Variants in MMD2 observed in about 807,000 individuals in gnomAD.
MMD2 encodes monocyte to macrophage differentiation factor 2.
MMD2 carries 30 observed loss-of-function variants against 33.5 expected under a neutral mutation model. The ratio of observed to expected loss-of-function variants is 0.90; its 90% CI spans 0.67 to 1.22. MMD2 has a LOEUF of 1.22. Among genes scored for constraint, MMD2 ranks in the 50% most tolerant of loss-of-function variants. The probability of loss-of-function intolerance (pLI) is 0.00; values close to 1 mark genes in which losing one functional copy is unlikely to be tolerated. For missense variants in MMD2, 364 were observed against 325.4 expected (o/e 1.12, Z -0.91); for synonymous variants, 129 against 123.0 (o/e 1.05, Z -0.32).
chr7:4,947,199 C>A (rs977996000), intron 1 of MMD2, among the ~76,000 whole-genome samples: 1 of 151,988 alleles, frequency 6.6e-6, no homozygotes, highest in East Asian at 2.0e-4. Flanking sequence ...CAGAGCAAGA[C>A]TCCGTCTCAA....
intron 1 of MMD2, among the ~76,000 whole-genome samples, chr7:4,942,686 C>G (rs1785943693): frequency 6.6e-6 from 1 of 151,902 alleles, no homozygotes; most frequent in Middle Eastern, 3.4e-3. Context: ...TATCTCGGCT[C>G]ATTGCAACCT....
At chr7:4,930,970 A>C (rs1449359200) in intron 1 of MMD2, among the ~76,000 whole-genome samples, 1 of 150,962 alleles carries the variant, frequency 6.6e-6, no homozygotes, top group Non-Finnish European at 1.5e-5. Context: ...CCTGCCTCAG[A>C]CTCCTGAGTA....
At chr7:4,915,119 A>C (rs116315992) in intron 4 of MMD2, among the ~76,000 whole-genome samples, 1 of 151,890 alleles carries the variant, frequency 6.6e-6, no homozygotes, top group Non-Finnish European at 1.5e-5. Flanking sequence ...AAAAATAAAA[A>C]TATTAGCCAA....
the MMD2 span, among the ~76,000 whole-genome samples, chr7:4,893,131 G>A: frequency 2.6e-5 from 4 of 151,640 alleles, no homozygotes; most frequent in South Asian, 2.1e-4. Flanking sequence ...GGGTCTACAC[G>A]CACTCCCCTT....
At chr7:4,903,877 GC>G (rs1784826338), downstream of MMD2, among the ~76,000 whole-genome samples, 1 of 152,168 alleles carries the variant, frequency 6.6e-6, no homozygotes, top group Non-Finnish European at 1.5e-5. Flanking sequence ...GAACCTCACG[GC>G]CCCAGGGATG....
At chr7:4,892,626 AAATT>A in the MMD2 span, among the ~76,000 whole-genome samples, 2 of 149,736 alleles carry the variant, frequency 1.3e-5, no homozygotes, top group Non-Finnish European at 3.0e-5. Context: ...AAATCTGAAA[AAATT>A]AATTAATTAA....
intron 1 of MMD2, among the ~76,000 whole-genome samples, chr7:4,952,789 T>C (rs1029061308): frequency 6.6e-6 from 1 of 151,230 alleles, no homozygotes; most frequent in African/African-American, 2.4e-5. Flanking sequence ...CCTCCTGGGT[T>C]CAAGCAATTC....
At chr7:4,916,755 T>C (rs759318192) in intron 3 of MMD2, among the ~76,000 whole-genome samples, 1 of 152,064 alleles carries the variant, frequency 6.6e-6, no homozygotes, top group African/African-American at 2.4e-5. Context: ...AGATTTATAA[T>C]GGGGAAAGAA....
downstream of MMD2, among the ~76,000 whole-genome samples, chr7:4,905,609 G>A (rs1417445045): frequency 6.6e-6 from 1 of 152,088 alleles, no homozygotes; most frequent in East Asian, 1.9e-4. The surrounding 1 kb of genome is among the most constrained non-coding windows in gnomAD (Gnocchi z 5.0). Context: ...GCCTGGCATG[G>A]TGCCACGCCT....
At chr7:4,932,511 G>A (rs1041633870) in intron 1 of MMD2, among the ~76,000 whole-genome samples, 2 of 152,022 alleles carry the variant, frequency 1.3e-5, no homozygotes, top group African/African-American at 4.8e-5. Context: ...CCATCAAGGT[G>A]AATAACAGAT....
chr7:4,937,450 G>T (rs537034286), intron 1 of MMD2, among the ~76,000 whole-genome samples: 2 of 151,388 alleles, frequency 1.3e-5, no homozygotes, highest in South Asian at 4.2e-4. Flanking sequence ...AAGGAAGAAA[G>T]GAAGGAAGGA....
At chr7:4,917,769 G>T (rs1235962629) in intron 3 of MMD2, among the ~76,000 whole-genome samples, 4 of 152,022 alleles carry the variant, frequency 2.6e-5, no homozygotes, top group Admixed American at 2.6e-4. Flanking sequence ...ACCTCACCTT[G>T]TATAGTGAGC....
intron 3 of MMD2, among the ~76,000 whole-genome samples, chr7:4,916,642 T>C (rs1785151818): frequency 6.6e-6 from 1 of 152,130 alleles, no homozygotes; most frequent in Non-Finnish European, 1.5e-5. Flanking sequence ...CTCGGTCTCC[T>C]AAAGTGCTGG....
chr7:4,953,322 A>T (rs527477410), intron 1 of MMD2, among the ~76,000 whole-genome samples: 2 of 151,166 alleles, frequency 1.3e-5, no homozygotes, highest in African/African-American at 4.9e-5. Context: ...TGGAAACACC[A>T]TCAATATCAA....
chr7:4,920,688 TCCTCCCTCCCTCCCTCCCTC>T (rs138036120), intron 2 of MMD2, among the ~76,000 whole-genome samples: 2 of 87,808 alleles, frequency 2.3e-5, no homozygotes, highest in African/African-American at 1.0e-4. Flanking sequence ...CCTCCCTCTC[TCCTCCCTCCCTCCCTCCCTC>T]CCTCCCTCCC....
At chr7:4,920,913 T>C (rs1195376305) in intron 2 of MMD2, among the ~76,000 whole-genome samples, 1 of 152,104 alleles carries the variant, frequency 6.6e-6, no homozygotes, top group Non-Finnish European at 1.5e-5. Context: ...AGGTGGGGTC[T>C]GGCTATAATG....
At chr7:4,895,638 A>G in the MMD2 span, among the ~76,000 whole-genome samples, 37 of 151,986 alleles carry the variant, frequency 2.4e-4, no homozygotes, top group Non-Finnish European at 4.6e-4. Context: ...CCGGGTTCAA[A>G]CAATTCTCCT....
At chr7:4,909,422 C>A (rs1784949230) in intron 6 of MMD2, among the ~76,000 whole-genome samples, 1 of 135,134 alleles carries the variant, frequency 7.4e-6, no homozygotes, top group Admixed American at 7.9e-5. Flanking sequence ...ACAGGGAGAT[C>A]CTGCCTCTAC....
Position 4,907,544 on chromosome 7 carries a change from C to T in MMD2, c.593G>A (p.Gly198Asp), listed in dbSNP as rs751932046. 2 of 1,613,572 alleles carry T rather than the reference C, an allele frequency of 1.2e-6. No individual in the cohort carries two copies. Among genetic ancestry groups the T allele is most frequent in the South Asian group, 1.1e-5 (1 of 91,060 alleles). ...LVTGGVFYCL[G>D]MVFFKSDGRI... The stretch of plus-strand genomic sequence containing the variant: ...CCCGTCACTCTTGAAGAAGACCATG[C>T]CCAGGCAGTAGAAGACCCCTCCGGT... The change falls in exon 7 of 7, where the codon GGC becomes GAC. Residue 198 changes from glycine (G) to aspartate (D), a missense_variant. Gly to Asp is a moderately conservative substitution (Grantham distance 94, BLOSUM62 -1). Coordinates refer to ENST00000401401, the MANE Select transcript of MMD2 (RefSeq NM_198403.4).
Sources: allele counts gnomAD v4.1 joint callset (sites outside exome capture counted in the v4.1 genomes callset), GRCh38; gene constraint gnomAD v4.1.1; non-coding constraint Gnocchi (gnomAD v3.1); transcripts MANE v1.5; gene names NCBI Gene and HGNC (gene_info 2026-07-23, HGNC 2026-07-21).